The following VWA5B1 variants were observed in gnomAD, a reference collection of about 807,000 sequenced individuals.
VWA5B1 encodes the protein von Willebrand factor A domain-containing protein 5B1.
VWA5B1 carries 115 observed loss-of-function variants against 118.2 expected under a neutral mutation model. The observed-to-expected ratio is 0.97, with a 90% CI of 0.84 to 1.14. The LOEUF (loss-of-function observed/expected upper bound fraction) is 1.14. Among genes scored for constraint, VWA5B1 ranks in the 50% most tolerant of loss-of-function variants. The pLI, the probability that VWA5B1 is intolerant of heterozygous loss-of-function variation, is 0.00. For missense variants in VWA5B1, 1,596 were observed against 1,603.8 expected, an observed-to-expected ratio of 1.00 and a Z score of 0.08; for synonymous variants, 682 against 658.4, an observed-to-expected ratio of 1.04 and a Z score of -0.55.
intron 4 of VWA5B1, among the ~76,000 whole-genome samples, chr1:20,316,539 T>C (rs1001259227): frequency 6.6e-6 from 1 of 152,194 alleles, no homozygotes; most frequent in Non-Finnish European, 1.5e-5. Context: ...CCAAGTATTT[T>C]ACAAGGATGT....
intron 1 of VWA5B1, among the ~76,000 whole-genome samples, chr1:20,307,456 A>C (rs1163578285): frequency 6.6e-6 from 1 of 152,202 alleles, no homozygotes; most frequent in Non-Finnish European, 1.5e-5. Context: ...CCAAACCCAC[A>C]TCCAAAGCCA....
intron 1 of VWA5B1, among the ~76,000 whole-genome samples, chr1:20,307,899 TA>T (rs908576754): frequency 8.6e-5 from 13 of 151,968 alleles, no homozygotes; most frequent in Non-Finnish European, 1.5e-4. Flanking sequence ...CTTTTAGATT[TA>T]GGGGGTACAT....
chr1:20,318,747 G>A, intron 6 of VWA5B1, 26 bp downstream of exon 6: 1 of 1,455,906 alleles, frequency 6.9e-7, no homozygotes, highest in Non-Finnish European at 9.1e-7. Flanking sequence ...ACGGGCCCCT[G>A]GGCTGCCTGT....
chr1:20,320,970 G>T (rs1017315001), intron 7 of VWA5B1, among the ~76,000 whole-genome samples: 4 of 152,126 alleles, frequency 2.6e-5, no homozygotes, highest in African/African-American at 9.7e-5. Flanking sequence ...AGAAGAGTGG[G>T]TTGTGGGTAT....
rs553682064 is a variant in VWA5B1, at chr1:20,313,926, G to A, written c.293-396G>A. 1.4e-4 allele frequency among the ~76,000 whole-genome samples: 22 copies of A among 152,246 alleles called. No homozygotes were observed. The South Asian group carries it at 4.6e-3, about 32-fold the overall frequency. ...TGTTCACGGAGGGGTTGTGTGGGTG[G>A]GTAGACTGGCTAATTAGGGATGAAG... On this transcript the variant is annotated intron_variant, in intron 3 of 21. Transcript: ENST00000289815.
intron 8 of VWA5B1, among the ~76,000 whole-genome samples, chr1:20,324,216 C>T (rs1158459493): frequency 6.6e-6 from 1 of 152,192 alleles, no homozygotes; most frequent in African/African-American, 2.4e-5. Context: ...ATTTGCTGTC[C>T]TCAAGGAGCT....
chr1:20,335,489 G>T (rs1297949898), intron 12 of VWA5B1, among the ~76,000 whole-genome samples: 1 of 152,156 alleles, frequency 6.6e-6, no homozygotes, highest in Non-Finnish European at 1.5e-5. Flanking sequence ...CAATGTGGAG[G>T]TTAGGGATAC....
intron 1 of VWA5B1, among the ~76,000 whole-genome samples, chr1:20,308,303 G>A (rs1278247728): frequency 2.6e-5 from 4 of 152,130 alleles, no homozygotes; most frequent in Non-Finnish European, 4.4e-5. Context: ...TCTAAGCCCC[G>A]CTCCCTGGGC....
At position 20,336,482 on chromosome 1, in the gene VWA5B1, G is replaced by T; in HGVS notation, c.1938G>T (p.Lys646Asn). 7.1e-7 allele frequency: 1 copy of T among 1,402,980 alleles called. No individual in the cohort carries two copies. Among genetic ancestry groups the T allele is most frequent in the Non-Finnish European group, 9.4e-7 (1 of 1,064,684 alleles). 86.9% of individuals were successfully genotyped at this position (1,402,980 alleles called of 1,614,324 possible). A position where few individuals can be genotyped will look rare whatever the true frequency, so the allele number is the denominator to read the frequency against. The change falls in exon 13 of 22, where the codon AAG (lysine) becomes AAT (asparagine). Residue 646 changes from lysine (K) to asparagine (N), a missense_variant. Transcript: ENST00000289815. ...TAGCCAGCGGAGACTCTACCACCAA[G>T]CACGGTTCGTCTGCGGCTCTGATGA... ...ARLASGDSTT[K>N]HDLNLSQRRR...
chr1:20,322,109 C>T (rs186872746), intron 7 of VWA5B1, among the ~76,000 whole-genome samples: 76 of 152,230 alleles, frequency 5.0e-4, no homozygotes, highest in African/African-American at 1.6e-3. Context: ...GAGATGTGGA[C>T]GCGTTCTGGC....
At chr1:20,298,546 G>A (rs1015798697) in intron 1 of VWA5B1, among the ~76,000 whole-genome samples, 1 of 152,060 alleles carries the variant, frequency 6.6e-6, no homozygotes, top group African/African-American at 2.4e-5. Context: ...GCCAGGCACT[G>A]TGCCTGGCGC....
chr1:20,344,992 C>T (rs1448030558), intron 16 of VWA5B1, among the ~76,000 whole-genome samples: 3 of 152,134 alleles, frequency 2.0e-5, no homozygotes, highest in Non-Finnish European at 1.5e-5. Flanking sequence ...TGCTGTGTGA[C>T]CCTCAGCTCA....
intron 4 of VWA5B1, among the ~76,000 whole-genome samples, chr1:20,316,610 G>A (rs1222278465): frequency 6.6e-6 from 1 of 152,186 alleles, no homozygotes; most frequent in African/African-American, 2.4e-5. Context: ...GACAGAACAG[G>A]ATGGGAGATG....
At chr1:20,326,220 A>T (rs1373005757) in intron 8 of VWA5B1, among the ~76,000 whole-genome samples, 1 of 151,978 alleles carries the variant, frequency 6.6e-6, no homozygotes. Flanking sequence ...AGGGTGGGGG[A>T]TGGGATTGGG....
chr1:20,330,321 G>T lies in VWA5B1; in HGVS notation c.1396G>T (p.Gly466Cys), dbSNP rs376863618. ...HPRLLFVITD[G>C]AVNNTGKVLE... is the part of the protein sequence containing the mutation. The stretch of plus-strand genomic sequence containing the variant: ...GCGGCTCCTCTTCGTGATCACAGAT[G>T]GCGCTGTCAACAACACAGGGAAGGT... Residue 466 changes from glycine to cysteine, a missense_variant, in exon 10 of 22, where the codon GGC becomes TGC. Coordinates refer to ENST00000289815, the MANE Select transcript of VWA5B1 (RefSeq NM_001039500.3). 2.6e-6 allele frequency: 4 copies of T among 1,551,772 alleles called. No individual in the cohort carries two copies. The African/African-American group carries it at 4.1e-5, about 16-fold the overall frequency.
At chr1:20,324,822 T>G (rs1425154512) in intron 8 of VWA5B1, among the ~76,000 whole-genome samples, 2 of 152,116 alleles carry the variant, frequency 1.3e-5, no homozygotes, top group African/African-American at 4.8e-5. Context: ...AGTTCCTGTT[T>G]GAAGTCTCAT....
chr1:20,337,986 C>G, intron 14 of VWA5B1, 150 bp downstream of exon 14: 1 of 1,015,552 alleles, frequency 9.8e-7, no homozygotes, highest in African/African-American at 1.6e-5. Context: ...CCTTCATCTG[C>G]CTTACCTCCG....
intron 3 of VWA5B1, among the ~76,000 whole-genome samples, chr1:20,313,585 C>A (rs1385713437): frequency 6.6e-6 from 1 of 152,188 alleles, no homozygotes; most frequent in African/African-American, 2.4e-5. Flanking sequence ...TTAGGCAGCA[C>A]GTCACACAGC....
intron 7 of VWA5B1, among the ~76,000 whole-genome samples, chr1:20,321,650 G>C (rs1255008337): frequency 6.6e-6 from 1 of 151,248 alleles, no homozygotes; most frequent in Non-Finnish European, 1.5e-5. Flanking sequence ...ATATGATCAT[G>C]AGTAGTAGGT....
Sources: allele counts gnomAD v4.1 joint callset (sites outside exome capture counted in the v4.1 genomes callset), GRCh38; gene constraint gnomAD v4.1.1; transcripts MANE v1.5; gene names NCBI Gene and HGNC (gene_info 2026-07-23, HGNC 2026-07-21).